Variants in FAM228B observed in about 807,000 individuals in gnomAD.
FAM228B encodes the protein protein FAM228B.
In FAM228B, 38 loss-of-function variants were observed where a neutral mutation model predicts 42.6. The ratio of observed to expected loss-of-function variants is 0.89; its 90% CI spans 0.69 to 1.17. FAM228B has a LOEUF of 1.17. FAM228B is among the 50% of genes most tolerant of loss of function. FAM228B has a pLI of 0.00. For synonymous variants in FAM228B, 109 were observed against 122.3 expected (o/e 0.89, Z 0.72); for missense variants, 344 against 367.3 (o/e 0.94, Z 0.52).
intron 10 of FAM228B, among the ~76,000 whole-genome samples, chr2:24,168,808 C>G (rs577533098): frequency 6.6e-6 from 1 of 152,150 alleles, no homozygotes; most frequent in East Asian, 1.9e-4. Flanking sequence ...ACCCTGGACT[C>G]AGGTGGACAG....
chr2:24,146,757 C>A lies in FAM228B; in HGVS notation c.451C>A (p.Pro151Thr). The part of the protein sequence containing the change: ...KDPNFLKVTI[P>T]PFHDPLKKAQ... ...AGTGCCTCTCTTGTAGGTTACCATCCCACCATTTCATGACCCTTTGAAAAA... is the reference window on the plus strand; with the variant it reads ...AGTGCCTCTCTTGTAGGTTACCATCACACCATTTCATGACCCTTTGAAAAA... The change falls in exon 6 of 11, where the codon CCA (proline) becomes ACA (threonine). Residue 151 changes from proline (P) to threonine (T), a missense_variant. Transcript: ENST00000615575. The A allele has an allele frequency of 6.5e-7, 1 of 1,548,134 alleles. No homozygotes were observed. The highest frequency in any genetic ancestry group is 1.2e-5 in the South Asian group (1 of 83,584).
chr2:24,133,043 C>T (rs1666493142), intron 2 of FAM228B, among the ~76,000 whole-genome samples: 1 of 152,268 alleles, frequency 6.6e-6, no homozygotes, highest in East Asian at 1.9e-4. Flanking sequence ...AGCTCCCATG[C>T]TTACCCCAAA....
intron 3 of FAM228B, among the ~76,000 whole-genome samples, chr2:24,114,672 G>A (rs2151001275): frequency 6.6e-6 from 1 of 152,156 alleles, no homozygotes; most frequent in Non-Finnish European, 1.5e-5. Context: ...ACATCTGAAG[G>A]GTATACCAAC....
Position 24,138,051 on chromosome 2 carries a change from AAAGGAGGC to A in FAM228B, c.316_323del (p.Arg106GlyfsTer11), listed in dbSNP as rs1558386722. Reference sequence around the variant, plus strand: ...GTTTGCTCACATAAGAAGATTAAAAAAAGGAGGCAAGGGGAATTAGATGGCTTTTTAAA... The same window carrying A: ...GTTTGCTCACATAAGAAGATTAAAAAAAGGGGAATTAGATGGCTTTTTAAA... On this transcript the variant is annotated frameshift_variant, in exon 4 of 11. Transcript: ENST00000615575. LOFTEE classifies it high-confidence loss of function. 3.2e-6 allele frequency: 5 copies of A among 1,543,524 alleles called. No individual in the cohort carries two copies. Among genetic ancestry groups the A allele is most frequent in the Non-Finnish European group, 3.5e-6 (4 of 1,145,228 alleles).
At chr2:24,091,608 A>G (rs1421883818) in intron 2 of FAM228B, among the ~76,000 whole-genome samples, 3 of 152,236 alleles carry the variant, frequency 2.0e-5, no homozygotes, top group African/African-American at 7.2e-5. Flanking sequence ...GCAACTAGAA[A>G]TATTAATAAA....
At chr2:24,138,327 C>T (rs1026862652) in intron 4 of FAM228B, among the ~76,000 whole-genome samples, 1 of 151,920 alleles carries the variant, frequency 6.6e-6, no homozygotes, top group Non-Finnish European at 1.5e-5. Flanking sequence ...TGTGTTTTCC[C>T]CATGTGGTTA....
At chr2:24,102,678 C>T (rs1665629206) in intron 3 of FAM228B, among the ~76,000 whole-genome samples, 1 of 152,184 alleles carries the variant, frequency 6.6e-6, no homozygotes, top group Non-Finnish European at 1.5e-5. Context: ...GTGGAGGTTG[C>T]AGTGAGCTGA....
At chr2:24,158,249 G>A (rs1477581408) in intron 7 of FAM228B, among the ~76,000 whole-genome samples, 5 of 111,730 alleles carry the variant, frequency 4.5e-5, no homozygotes, top group South Asian at 3.1e-4. Context: ...TTAAAATGCC[G>A]CTTTAAAACT....
intron 5 of FAM228B, among the ~76,000 whole-genome samples, chr2:24,139,961 A>G (rs1214710561): frequency 6.6e-6 from 1 of 152,222 alleles, no homozygotes; most frequent in East Asian, 1.9e-4. Context: ...TTCTCAAAAT[A>G]TAAGTATATA....
At chr2:24,092,395 T>C (rs1220465652) in intron 2 of FAM228B, among the ~76,000 whole-genome samples, 1 of 151,530 alleles carries the variant, frequency 6.6e-6, no homozygotes, top group Non-Finnish European at 1.5e-5. Context: ...GCCAACATGG[T>C]GAAACCCCAT....
intron 2 of FAM228B, chr2:24,085,650 C>T (rs1665220406): frequency 6.6e-6 from 1 of 152,068 alleles, no homozygotes; most frequent in Non-Finnish European, 1.5e-5. Flanking sequence ...CCCCTGATGC[C>T]TCTTACCAAT....
At chr2:24,081,124 C>G in intron 2 of FAM228B, 1 of 621,964 alleles carries the variant, frequency 1.6e-6, no homozygotes, top group Non-Finnish European at 2.1e-6. Flanking sequence ...GCCGTTGCAC[C>G]AAATGCCAAA....
At chr2:24,123,607 T>A (rs1666203876) in intron 1 of FAM228B, 74 bp downstream of exon 1, 2 of 151,692 alleles carry the variant, frequency 1.3e-5, no homozygotes, top group Admixed American at 1.3e-4. Context: ...GGCTCCGGGG[T>A]CGTCGGGCCG....
In FAM228B at chr2:24,080,706, T is replaced by G; in HGVS notation, c.-289-170T>G. On this transcript the variant is annotated intron_variant, in intron 1 of 10. Transcript: ENST00000613899. This position sits in a 1 kb window ranked among gnomAD's most constrained non-coding sequence, Gnocchi z 4.7. ...ACTAGAATTTGGCCAGGGCAGCTGT[T>G]GTGCACTTAGCAGAGGTAAGACTGA... 1 of 1,300,336 alleles carries G rather than the reference T, an allele frequency of 7.7e-7. No individual in the cohort carries two copies. The highest frequency in any genetic ancestry group is 1.1e-6 in the Non-Finnish European group (1 of 914,984). 80.5% of individuals were successfully genotyped at this position (1,300,336 alleles called of 1,614,324 possible).
At chr2:24,115,999 C>T (rs1172724681) in intron 3 of FAM228B, among the ~76,000 whole-genome samples, 1 of 151,834 alleles carries the variant, frequency 6.6e-6, no homozygotes, top group African/African-American at 2.4e-5. Context: ...GAAACTGCTG[C>T]CCTCCTCTCC....
intron 7 of FAM228B, 53 bp from the exon 8 acceptor site, chr2:24,161,453 A>C (rs1667283253): frequency 9.2e-7 from 1 of 1,090,024 alleles, no homozygotes; most frequent in South Asian, 1.4e-5. Flanking sequence ...GTCTCAAAAA[A>C]CAACAATAAA....
At chr2:24,079,187 T>C in intron 1 of FAM228B, 2 of 476,776 alleles carry the variant, frequency 4.2e-6, no homozygotes, top group South Asian at 3.1e-5. Context: ...ATATAGTCAG[T>C]GCTTTCTTCA....
intron 3 of FAM228B, chr2:24,097,027 G>A (rs1470071861): frequency 2.6e-5 from 4 of 152,050 alleles, no homozygotes. Context: ...GCCAAACTAA[G>A]CTTCATAAGT....
chr2:24,109,004 C>T (rs1029075441), intron 3 of FAM228B, among the ~76,000 whole-genome samples: 2 of 151,706 alleles, frequency 1.3e-5, no homozygotes, highest in Admixed American at 1.3e-4. Context: ...CATCACCTTA[C>T]CCAACTTCAA....
Sources: allele counts gnomAD v4.1 joint callset (sites outside exome capture counted in the v4.1 genomes callset), GRCh38; gene constraint gnomAD v4.1.1; non-coding constraint Gnocchi (gnomAD v3.1); transcripts MANE v1.5; gene names NCBI Gene and HGNC (gene_info 2026-07-23, HGNC 2026-07-21).